Variants in CNGB3 observed in about 807,000 individuals in gnomAD.
CNGB3 encodes cyclic nucleotide-gated channel beta-3.
CNGB3 carries 86 observed loss-of-function variants against 92.8 expected under a neutral mutation model. The ratio of observed to expected loss-of-function variants is 0.93; its 90% CI spans 0.78 to 1.11. CNGB3 has a LOEUF of 1.11. CNGB3 is among the 50% of genes least tolerant of loss of function. The probability of loss-of-function intolerance (pLI) is 0.00; values close to 1 mark genes in which losing one functional copy is unlikely to be tolerated. For missense variants in CNGB3, 1,026 were observed against 956.8 expected (o/e 1.07, Z -0.95); for synonymous variants, 333 against 332.7 (o/e 1.00, Z -0.01).
rs1585940768 is a variant in CNGB3, at chr8:86,575,703, A to C, written c.*101T>G. ...GCTAGGGATTTGCCTTTCGTTTCTC[A>C]AGGGTCCCAGCATGTCGTTTCCCCT... On this transcript the variant is annotated 3_prime_UTR_variant, in exon 18 of 18. Transcript: ENST00000320005. 1.9e-6 allele frequency: 2 copies of C among 1,058,208 alleles called. No individual in the cohort carries two copies. The highest frequency in any genetic ancestry group is 5.1e-5 in the East Asian group (2 of 39,196). The allele number at this position is 1,058,208 out of a possible 1,614,324, so 65.6% of individuals were successfully genotyped here.
chr8:86,625,598 C>T (rs928008807), intron 13 of CNGB3, among the ~76,000 whole-genome samples: 2 of 151,922 alleles, frequency 1.3e-5, no homozygotes, highest in Non-Finnish European at 2.9e-5. Flanking sequence ...AGGTATAATT[C>T]TCTGATTGTC....
rs3077207 is a variant in CNGB3, at chr8:86,643,097, T to TACACACAC, written c.1178+646_1178+653dup. ...ATGCATTTCACAGGCCAACTCAGGA[T>TACACACAC]ACACACACACACACACACACTCCCC... On this transcript the variant is annotated intron_variant, in intron 10 of 17. Transcript: ENST00000320005. 9.6e-3 allele frequency among the ~76,000 whole-genome samples: 1,428 copies of TACACACAC among 149,112 alleles called. 18 individuals carry two copies. Among genetic ancestry groups the TACACACAC allele is most frequent in the African/African-American group, 0.03 (1,248 of 41,004 alleles).
intron 7 of CNGB3, among the ~76,000 whole-genome samples, chr8:86,650,651 G>A (rs1425754489): frequency 6.6e-6 from 1 of 151,494 alleles, no homozygotes; most frequent in African/African-American, 2.4e-5. Flanking sequence ...ATATTAAAAA[G>A]CCAAAAAACA....
intron 15 of CNGB3, among the ~76,000 whole-genome samples, chr8:86,596,055 A>G (rs1458569465): frequency 6.6e-6 from 1 of 152,208 alleles, no homozygotes; most frequent in Non-Finnish European, 1.5e-5. Flanking sequence ...TGATGAAAAA[A>G]GGATGGTGAA....
At chr8:86,597,501 A>G (rs1306232843) in intron 15 of CNGB3, among the ~76,000 whole-genome samples, 1 of 152,232 alleles carries the variant, frequency 6.6e-6, no homozygotes, top group East Asian at 1.9e-4. Flanking sequence ...ATGAAAGTGT[A>G]CAGCAGGGAG....
intron 10 of CNGB3, among the ~76,000 whole-genome samples, chr8:86,636,968 T>C (rs1823084370): frequency 6.6e-6 from 1 of 152,228 alleles, no homozygotes; most frequent in South Asian, 2.1e-4. Context: ...CTATTATATA[T>C]GTGCATATTT....
At chr8:86,597,095 A>T (rs1161540714) in intron 15 of CNGB3, among the ~76,000 whole-genome samples, 2 of 152,220 alleles carry the variant, frequency 1.3e-5, no homozygotes, top group East Asian at 3.8e-4. Flanking sequence ...TGGGTGCAGC[A>T]AACCAACATG....
At chr8:86,611,949 G>A (rs2131566222) in intron 13 of CNGB3, among the ~76,000 whole-genome samples, 2 of 152,148 alleles carry the variant, frequency 1.3e-5, no homozygotes, top group African/African-American at 4.8e-5. Context: ...TTCCTAACCT[G>A]TAAAATGGGG....
At position 86,659,796 on chromosome 8, in the gene CNGB3, G is replaced by C. The variant is rs558001000; in HGVS notation, c.853-5734C>G. The C allele has an allele frequency of 2.4e-5, 9 of 379,368 alleles. No individual in the cohort carries two copies. In the East Asian group the frequency reaches 5.3e-4, roughly 23 times the overall value. The allele number at this position is 379,368 out of a possible 1,614,324, so 23.5% of individuals were successfully genotyped here. On this transcript the variant is annotated intron_variant, in intron 6 of 17. Transcript: ENST00000320005. ...TTTGGCTCCCTGCTTTCAGTTGCTT[G>C]CTTTCTTTTCTTCTTCCAGTTGATC... is the stretch of plus-strand genomic sequence containing the variant.
chr8:86,688,443 T>G lies in CNGB3; in HGVS notation c.339-17345A>C, dbSNP rs571633619. On this transcript the variant is annotated intron_variant, in intron 3 of 17. Coordinates refer to ENST00000320005, the MANE Select transcript of CNGB3 (RefSeq NM_019098.5). ...GATATTGAGACCCCTTCATTATCAT[T>G]GTGGTTGCCTTTCCTGGAAGCACTC... 1.1e-3 allele frequency among the ~76,000 whole-genome samples: 165 copies of G among 152,236 alleles called. 1 individual carries two copies. The highest frequency in any genetic ancestry group is 3.9e-3 in the African/African-American group (161 of 41,572).
At chr8:86,615,653 T>G (rs7824772) in intron 13 of CNGB3, among the ~76,000 whole-genome samples, 1,676 of 152,118 alleles carry the variant, frequency 0.011, 18 homozygotes, top group African/African-American at 0.038. Flanking sequence ...TAAAATAAAC[T>G]ATATATATTT....
At position 86,579,166 on chromosome 8, in the gene CNGB3, G is replaced by C; in HGVS notation, c.1868C>G (p.Thr623Ser). 6.2e-7 allele frequency: 1 copy of C among 1,614,114 alleles called. No homozygotes were observed. The change falls in exon 16 of 18, where the codon ACC (threonine) becomes AGC (serine). Residue 623 changes from threonine to serine, a missense_variant. Thr to Ser is a moderately conservative substitution (Grantham distance 58, BLOSUM62 1). Transcript: ENST00000320005. ...FANLLTLDKK[T>S]LQEILVHYPD... ...ATAATGCACTAGAATTTCTTGGAGGGTCTTTTTGTCTAGAGTTAAAAGATT... is the reference window on the plus strand; with the variant it reads ...ATAATGCACTAGAATTTCTTGGAGGCTCTTTTTGTCTAGAGTTAAAAGATT...
intron 1 of CNGB3, 141 bp from the exon 2 acceptor site, chr8:86,739,877 G>A (rs1169442417): frequency 6.6e-6 from 7 of 1,056,300 alleles, no homozygotes; most frequent in Admixed American, 2.2e-5. Flanking sequence ...AATGATTCTT[G>A]CATTTAAAAT....
chr8:86,584,919 T>G (rs1471232282), intron 15 of CNGB3, among the ~76,000 whole-genome samples: 2 of 152,220 alleles, frequency 1.3e-5, no homozygotes, highest in Admixed American at 1.3e-4. Flanking sequence ...AGGAGAATTA[T>G]TAAAGCATGG....
At chr8:86,729,935 C>T (rs1825130928) in intron 2 of CNGB3, among the ~76,000 whole-genome samples, 1 of 152,220 alleles carries the variant, frequency 6.6e-6, no homozygotes, top group Non-Finnish European at 1.5e-5. Flanking sequence ...GCTCTTTGCA[C>T]ATTGTATAGC....
At chr8:86,633,388 T>A (rs766097765) in intron 10 of CNGB3, among the ~76,000 whole-genome samples, 2 of 152,202 alleles carry the variant, frequency 1.3e-5, no homozygotes, top group Admixed American at 6.5e-5. Flanking sequence ...CTCACATGTC[T>A]GATCCTGAGC....
intron 7 of CNGB3, among the ~76,000 whole-genome samples, chr8:86,650,938 T>A (rs187890445): frequency 6.6e-6 from 1 of 151,878 alleles, no homozygotes; most frequent in African/African-American, 2.4e-5. Flanking sequence ...AATGAGTGGA[T>A]AAAGAAAATT....
At position 86,736,756 on chromosome 8, in the gene CNGB3, A is replaced by G. The variant is rs557442579; in HGVS notation, c.211+2899T>C. 6.6e-5 allele frequency among the ~76,000 whole-genome samples: 10 copies of G among 152,278 alleles called. No homozygotes were observed. In the East Asian group the frequency reaches 1.9e-3, roughly 29 times the overall value. On this transcript the variant is annotated intron_variant, in intron 2 of 17. Transcript: ENST00000320005. ...AATGGTCTTCAATTACTGATAAAAA[A>G]AAAAGGCAAGACCACATTTTTTACA...
intron 3 of CNGB3, among the ~76,000 whole-genome samples, chr8:86,694,143 C>T (rs1824386451): frequency 7.2e-6 from 1 of 139,750 alleles, no homozygotes; most frequent in East Asian, 2.3e-4. Context: ...CCCCACCTCC[C>T]TCCTGGACGG....
Sources: allele counts gnomAD v4.1 joint callset (sites outside exome capture counted in the v4.1 genomes callset), GRCh38; gene constraint gnomAD v4.1.1; transcripts MANE v1.5; gene names NCBI Gene and HGNC (gene_info 2026-07-23, HGNC 2026-07-21).